Variants in GOLGB1 observed in about 807,000 individuals in gnomAD.
The protein encoded by GOLGB1 is golgin B1, also known as golgin subfamily B member 1.
In GOLGB1, 174 loss-of-function variants were observed where a neutral mutation model predicts 336.9. That is an observed-to-expected ratio of 0.52 (90% confidence interval 0.46 to 0.59). GOLGB1 has a LOEUF of 0.59. Among genes scored for constraint, GOLGB1 ranks in the 20% least tolerant of loss-of-function variants. GOLGB1 has a pLI of 0.00. For synonymous variants in GOLGB1, 1,208 were observed against 1,289.2 expected, an observed-to-expected ratio of 0.94 and a Z score of 1.35; for missense variants, 3,331 against 3,645.3, an observed-to-expected ratio of 0.91 and a Z score of 2.22.
At position 121,664,963 on chromosome 3, in the gene GOLGB1, G is replaced by C; in HGVS notation, c.9623C>G (p.Ala3208Gly). The change falls in exon 21 of 22, where the codon GCA (alanine) becomes GGA (glycine). Residue 3208 changes from alanine (A) to glycine (G), a missense_variant. Physicochemically the swap from Ala to Gly is moderately conservative, Grantham distance 60. Coordinates refer to ENST00000614479, the MANE Select transcript of GOLGB1 (RefSeq NM_001366282.2). ...IIGSCGTQEQ[A>G]LLIDLTSNSC... ...GTTGCTTGTAAGATCTATTAACAGT[G>C]CCTGCTCCTGAGTGCCACAGGAGCC... The C allele has an allele frequency of 1.2e-6, 2 of 1,609,092 alleles. No homozygotes were observed. The highest frequency in any genetic ancestry group is 1.7e-6 in the Non-Finnish European group (2 of 1,175,446).
intron 1 of GOLGB1, among the ~76,000 whole-genome samples, chr3:121,744,568 A>T (rs1947114957): frequency 6.7e-6 from 1 of 150,130 alleles, no homozygotes; most frequent in African/African-American, 2.5e-5. Flanking sequence ...GCAGTCAGCT[A>T]TGATCACACC....
rs1192175585 is a variant in GOLGB1 at position 121,677,004 on chromosome 3, T to C, written c.9066A>G (p.Pro3022=). 3.1e-6 allele frequency: 5 copies of C among 1,613,854 alleles called. No homozygotes were observed. The highest frequency in any genetic ancestry group is 4.2e-6 in the Non-Finnish European group (5 of 1,179,860). ...RQASPETSAS[P]DGSQNLVYET... ...CATAAACCAGATTTTGTGACCCATC[T>C]GGGGAAGCTGATGTCTCTGGGGATG... Residue 3022 remains proline, a synonymous_variant, in exon 17 of 22, where the codon CCA becomes CCG. Coordinates refer to ENST00000614479, the MANE Select transcript of GOLGB1 (RefSeq NM_001366282.2).
intron 10 of GOLGB1, among the ~76,000 whole-genome samples, chr3:121,705,715 C>A (rs553448703): frequency 1.4e-4 from 21 of 152,342 alleles, no homozygotes; most frequent in African/African-American, 4.8e-4. Context: ...CAGTGAAGTA[C>A]AGGGCAGGAC....
chr3:121,724,472 G>A (rs575884931), intron 5 of GOLGB1, among the ~76,000 whole-genome samples: 10 of 152,160 alleles, frequency 6.6e-5, no homozygotes, highest in African/African-American at 1.9e-4. Flanking sequence ...TAGGGTATAT[G>A]GCAGGAGAAA....
At chr3:121,724,257 G>T (rs1314593672) in intron 5 of GOLGB1, among the ~76,000 whole-genome samples, 5 of 152,172 alleles carry the variant, frequency 3.3e-5, no homozygotes, top group Non-Finnish European at 7.3e-5. Context: ...TTGGAGATTG[G>T]TTAAGCGGTT....
intron 10 of GOLGB1, among the ~76,000 whole-genome samples, chr3:121,703,618 C>T (rs561742138): frequency 2.6e-5 from 4 of 152,312 alleles, no homozygotes; most frequent in African/African-American, 9.6e-5. Flanking sequence ...GTTTTGATGC[C>T]TCTCTATCAT....
chr3:121,707,120 G>A (rs981767584), intron 10 of GOLGB1, among the ~76,000 whole-genome samples: 8 of 150,988 alleles, frequency 5.3e-5, no homozygotes, highest in Non-Finnish European at 7.4e-5. Context: ...CCAGCTACTC[G>A]GGAGGCTGAG....
rs548961253 is a variant in GOLGB1, at chr3:121,697,244, C to A, written c.3279G>T (p.Glu1093Asp). 3.0e-5 allele frequency: 48 copies of A among 1,614,122 alleles called. 1 individual carries two copies. In the South Asian group the frequency reaches 5.2e-4, roughly 17 times the overall value. The change falls in exon 13 of 22, where the codon GAG becomes GAT. Residue 1093 changes from glutamate to aspartate, a missense_variant. Glu to Asp is a conservative substitution (Grantham distance 45, BLOSUM62 2). Coordinates refer to ENST00000614479, the MANE Select transcript of GOLGB1 (RefSeq NM_001366282.2). The stretch of plus-strand genomic sequence containing the variant: ...TCTGTTTGACCAGAGCCTGGAATTG[C>A]TCTTCAGCTGCCAGCTTTTCTTCCA... ...KDLEEKLAAE[E>D]QFQALVKQMN...
At chr3:121,723,053 A>G in intron 5 of GOLGB1, among the ~76,000 whole-genome samples, 1 of 152,236 alleles carries the variant, frequency 6.6e-6, no homozygotes, top group East Asian at 1.9e-4. Context: ...AATTATGCAG[A>G]AAAGGAATTA....
At chr3:121,699,989 AAAT>A (rs1943258532) in intron 11 of GOLGB1, 104 bp from the exon 12 acceptor site, 1 of 652,388 alleles carries the variant, frequency 1.5e-6, no homozygotes, top group East Asian at 2.8e-5. Flanking sequence ...ATTTTTTAAA[AAAT>A]AAACAAAATA....
At chr3:121,740,735 A>G (rs1472702376) in intron 1 of GOLGB1, among the ~76,000 whole-genome samples, 3 of 152,210 alleles carry the variant, frequency 2.0e-5, no homozygotes, top group African/African-American at 7.2e-5. Flanking sequence ...ATAAATATTG[A>G]AGATAAGTAA....
Position 121,706,733 on chromosome 3 carries a change from C to CAAAAAAAAA in GOLGB1, c.1405-4147_1405-4139dup, listed in dbSNP as rs1200925309. Among the ~76,000 whole-genome samples, 64 of 16,158 alleles carry CAAAAAAAAA rather than the reference C, an allele frequency of 4.0e-3. 15 individuals carry two copies. The highest frequency in any genetic ancestry group is 0.015 in the African/African-American group (58 of 3,894). 10.6% of individuals were successfully genotyped at this position (16,158 alleles called of 152,430 possible). On this transcript the variant is annotated intron_variant, in intron 10 of 21. Transcript: ENST00000614479. ...TGGATGACACACTGAGACTCTGTCT[C>CAAAAAAAAA]AAAAAAAAAAAAAAAAAAAAAAAAA...
intron 1 of GOLGB1, among the ~76,000 whole-genome samples, chr3:121,741,658 C>A (rs1245073180): frequency 1.3e-5 from 2 of 152,060 alleles, no homozygotes; most frequent in African/African-American, 4.8e-5. Context: ...AAATTAAGAA[C>A]CCCGAAATAC....
At chr3:121,681,447 C>T (rs1407229633) in intron 15 of GOLGB1, among the ~76,000 whole-genome samples, 2 of 152,152 alleles carry the variant, frequency 1.3e-5, no homozygotes, top group African/African-American at 4.8e-5. Context: ...TAGAACCACA[C>T]ACACAGATAG....
In GOLGB1 at chr3:121,692,243, A is replaced by T; in HGVS notation, c.7121T>A (p.Leu2374Gln). ...LETDLQASRE[L>Q]TSRLHEEINM... ...TATTTCTTCATGCAGCCTACTGGTC[A>T]GTTCTCTGGAGGCCTGAAGATCAGT... Residue 2374 changes from leucine to glutamine, a missense_variant, in exon 14 of 22, where the codon CTG becomes CAG. Physicochemically the swap from Leu to Gln is moderately radical, Grantham distance 113. Transcript: ENST00000614479. 1.2e-6 allele frequency: 2 copies of T among 1,600,558 alleles called. No individual in the cohort carries two copies. Among genetic ancestry groups the T allele is most frequent in the South Asian group, 1.1e-5 (1 of 87,858 alleles).
intron 16 of GOLGB1, 111 bp downstream of exon 16, chr3:121,677,174 G>A (rs1940509188): frequency 8.2e-6 from 10 of 1,217,310 alleles, no homozygotes; most frequent in Admixed American, 6.4e-5. Context: ...TTAATTTGTA[G>A]GAAGCTGATG....
chr3:121,697,483 CT>C lies in GOLGB1; in HGVS notation c.3039del (p.Val1014SerfsTer8). ...GCTAATTCTTCTTCCAATCTACTGACTCTTTGCAGAAGCTCCTTTCTGTTAA... is the reference window on the plus strand; with the variant it reads ...GCTAATTCTTCTTCCAATCTACTGACCTTTGCAGAAGCTCCTTTCTGTTAA... ...ALINRKELLQ[R>X]VSRLEEELAN... On this transcript the variant is annotated frameshift_variant, in exon 13 of 22. Transcript: ENST00000614479. LOFTEE classifies it high-confidence loss of function. 1 of 1,611,580 alleles carries C rather than the reference CT, an allele frequency of 6.2e-7. No individual in the cohort carries two copies. The highest frequency in any genetic ancestry group is 8.5e-7 in the Non-Finnish European group (1 of 1,179,496).
Position 121,717,847 on chromosome 3 carries a change from G to T in GOLGB1, c.885+541C>A, listed in dbSNP as rs554114068. ...TTTTAGTTTTCCATTTTTTTCAGAT[G>T]GTGGAATATCTTGGATATCTTGGGA... On this transcript the variant is annotated intron_variant, in intron 8 of 21. Transcript: ENST00000614479. Among the ~76,000 whole-genome samples, 10 of 152,202 alleles carry T rather than the reference G, an allele frequency of 6.6e-5. No homozygotes were observed. The South Asian group carries it at 1.9e-3, about 28-fold the overall frequency.
Position 121,718,511 on chromosome 3 carries a change from A to C in GOLGB1, c.772-10T>G. On this transcript the variant is annotated splice_polypyrimidine_tract_variant and intron_variant, in intron 7 of 21. Coordinates refer to ENST00000614479, the MANE Select transcript of GOLGB1 (RefSeq NM_001366282.2). ...GCAGCACCCTCAATTTCTGAGAAGA[A>C]AACATTTTAGACATAATATGCTAAC... 1 of 1,556,802 alleles carries C rather than the reference A, an allele frequency of 6.4e-7. No homozygotes were observed. The highest frequency in any genetic ancestry group is 8.9e-7 in the Non-Finnish European group (1 of 1,128,054).
Sources: allele counts gnomAD v4.1 joint callset (sites outside exome capture counted in the v4.1 genomes callset), GRCh38; gene constraint gnomAD v4.1.1; transcripts MANE v1.5; gene names NCBI Gene and HGNC (gene_info 2026-07-23, HGNC 2026-07-21).